CDH13: variants seen among roughly 807,000 people sequenced by gnomAD.
The protein encoded by CDH13 is cadherin 13.
Under a neutral mutation model 63.8 loss-of-function variants are expected in CDH13, and 24 were observed. The observed-to-expected ratio is 0.38, with a 90% CI of 0.27 to 0.53. CDH13 has a LOEUF of 0.53. Ranked by LOEUF, CDH13 falls within the 20% of genes least tolerant of loss-of-function variation. The pLI is 0.85. For synonymous variants in CDH13, 503 were observed against 355.3 expected (o/e 1.42, Z -4.67); for missense variants, 1,049 against 903.1 (o/e 1.16, Z -2.07).
At chr16:83,576,466 G>T (rs371293695) in intron 7 of CDH13, among the ~76,000 whole-genome samples, 1 of 152,164 alleles carries the variant, frequency 6.6e-6, no homozygotes, top group Admixed American at 6.5e-5. Context: ...TTCTATGAAC[G>T]TGTGCATACA....
chr16:83,709,485 A>C (rs1907677920), intron 10 of CDH13, among the ~76,000 whole-genome samples: 1 of 152,222 alleles, frequency 6.6e-6, no homozygotes, highest in Non-Finnish European at 1.5e-5. Context: ...GCACCATTTG[A>C]GAAACACGGC....
intron 4 of CDH13, among the ~76,000 whole-genome samples, chr16:83,204,146 T>C (rs16959765): frequency 0.082 from 12,462 of 152,252 alleles, 1,341 homozygotes; most frequent in African/African-American, 0.25. Flanking sequence ...TCCATCAGTG[T>C]CGGGCTCAAT....
chr16:82,754,302 C>G (rs2034531817), intron 1 of CDH13, among the ~76,000 whole-genome samples: 1 of 152,100 alleles, frequency 6.6e-6, no homozygotes, highest in Non-Finnish European at 1.5e-5. Context: ...AGAAATGGAA[C>G]TGCATTAATA....
chr16:83,188,071 G>A (rs904358599), intron 4 of CDH13, among the ~76,000 whole-genome samples: 1 of 152,204 alleles, frequency 6.6e-6, no homozygotes, highest in Admixed American at 6.5e-5. Context: ...TAGGAGAAAA[G>A]CTGTGACCAG....
At chr16:82,937,708 A>G (rs931118259) in intron 2 of CDH13, among the ~76,000 whole-genome samples, 1 of 152,180 alleles carries the variant, frequency 6.6e-6, no homozygotes, top group Non-Finnish European at 1.5e-5. Flanking sequence ...TTTTCTATGA[A>G]CCAAATGTAG....
At chr16:83,150,455 C>T (rs11865072) in intron 4 of CDH13, among the ~76,000 whole-genome samples, 2,282 of 152,152 alleles carry the variant, frequency 0.015, 67 homozygotes, top group African/African-American at 0.052. Context: ...TTATGCTGCT[C>T]CCCATAAGAC....
At chr16:83,012,788 A>C (rs915521477) in intron 2 of CDH13, among the ~76,000 whole-genome samples, 1 of 152,184 alleles carries the variant, frequency 6.6e-6, no homozygotes, top group Non-Finnish European at 1.5e-5. Context: ...GTGCTTGTCC[A>C]TATATTTAAA....
chr16:83,346,050 G>C lies in CDH13; in HGVS notation c.781+1044G>C, dbSNP rs528376467. Among the ~76,000 whole-genome samples, 4 of 152,270 alleles carry C rather than the reference G, an allele frequency of 2.6e-5. No individual in the cohort carries two copies. The East Asian group carries it at 5.8e-4, about 22-fold the overall frequency. ...GCAAGATGCCTAAAACCTCCCGTCA[G>C]CTTCAAGGAGCTGGGTCTTTATGCA... On this transcript the variant is annotated intron_variant, in intron 6 of 13. Transcript: ENST00000567109.
intron 3 of CDH13, among the ~76,000 whole-genome samples, chr16:83,058,288 T>A (rs933044288): frequency 6.6e-6 from 1 of 152,182 alleles, no homozygotes; most frequent in African/African-American, 2.4e-5. Context: ...TTCGCTGCAC[T>A]CATCAAATAA....
intron 2 of CDH13, among the ~76,000 whole-genome samples, chr16:82,980,184 C>G (rs183938470): frequency 8.5e-5 from 13 of 152,128 alleles, no homozygotes; most frequent in South Asian, 4.1e-4. Flanking sequence ...GGCCACCTGA[C>G]GTGTCTGAGA....
intron 6 of CDH13, among the ~76,000 whole-genome samples, chr16:83,448,757 G>A (rs1382799654): frequency 1.3e-5 from 2 of 152,192 alleles, no homozygotes; most frequent in Non-Finnish European, 2.9e-5. Flanking sequence ...GTGAACTTCA[G>A]TGGTGGGGAG....
chr16:83,453,320 C>T lies in CDH13; in HGVS notation c.782-33157C>T, dbSNP rs571634990. ...AATCTCACAAATTACCACTAAAGAA[C>T]TTGCTCAGGTAACCAAATACCACCT... On this transcript the variant is annotated intron_variant, in intron 6 of 13. Transcript: ENST00000567109. Among the ~76,000 whole-genome samples the T allele has an allele frequency of 1.3e-3, 205 of 152,152 alleles. 6 individuals carry two copies. The South Asian group carries it at 0.039, about 29-fold the overall frequency.
At chr16:82,816,858 G>A (rs1000095616) in intron 1 of CDH13, among the ~76,000 whole-genome samples, 2 of 151,922 alleles carry the variant, frequency 1.3e-5, no homozygotes, top group East Asian at 1.9e-4. Context: ...CACTCCTGAA[G>A]CTCCAACTCA....
At chr16:83,196,474 A>C (rs999998728) in intron 4 of CDH13, among the ~76,000 whole-genome samples, 6 of 152,152 alleles carry the variant, frequency 3.9e-5, no homozygotes, top group African/African-American at 1.4e-4. Flanking sequence ...TATGTGAAAA[A>C]TCCTGTTAAG....
chr16:83,231,756 G>C (rs2040003639), intron 5 of CDH13, among the ~76,000 whole-genome samples: 2 of 152,150 alleles, frequency 1.3e-5, no homozygotes, highest in South Asian at 4.1e-4. Context: ...CCCCGGACTA[G>C]ATGAACCCTG....
chr16:83,266,451 G>A (rs1014825085), intron 5 of CDH13, among the ~76,000 whole-genome samples: 3 of 152,270 alleles, frequency 2.0e-5, no homozygotes, highest in Admixed American at 2.0e-4. Flanking sequence ...ATCACTTAAT[G>A]GCAGTTACTT....
At chr16:83,528,312 G>C (rs749835679) in intron 7 of CDH13, among the ~76,000 whole-genome samples, 29 of 152,304 alleles carry the variant, frequency 1.9e-4, no homozygotes, top group Admixed American at 3.3e-4. Context: ...ATGGGAAACT[G>C]TATTTAGAGA....
At chr16:82,976,297 C>T (rs558198070) in intron 2 of CDH13, among the ~76,000 whole-genome samples, 75 of 152,204 alleles carry the variant, frequency 4.9e-4, no homozygotes, top group African/African-American at 1.7e-3. Context: ...CCTTCTTTGA[C>T]GTGCCCAGGT....
chr16:82,673,694 A>G (rs1232412288), intron 1 of CDH13, among the ~76,000 whole-genome samples: 3 of 152,228 alleles, frequency 2.0e-5, no homozygotes, highest in East Asian at 1.9e-4. Context: ...AATCGAGTAT[A>G]GTTTAGTTAA....
Sources: gnomAD v4.1 joint callset for allele counts (sites outside exome capture counted in the v4.1 genomes callset) on GRCh38, gnomAD v4.1.1 for gene constraint, MANE v1.5 for transcripts, NCBI Gene and HGNC (gene_info 2026-07-23, HGNC 2026-07-21) for gene names.